Variants in SLC9A9 observed in about 807,000 individuals in gnomAD.
SLC9A9 encodes the protein solute carrier family 9 member A9, also known as sodium/hydrogen exchanger 9.
SLC9A9 carries 62 observed loss-of-function variants against 77.8 expected under a neutral mutation model. The ratio of observed to expected loss-of-function variants is 0.80; its 90% confidence interval spans 0.65 to 0.98. The LOEUF (loss-of-function observed/expected upper bound fraction) is 0.98. Ranked by LOEUF, SLC9A9 falls within the 50% of genes least tolerant of loss-of-function variation. The pLI is 0.00. For synonymous variants in SLC9A9, 320 were observed against 283.5 expected (o/e 1.13, Z -1.29); for missense variants, 775 against 774.9 (o/e 1.00, Z 0.00).
At position 143,818,550 on chromosome 3, in the gene SLC9A9, ACCGG is replaced by A. The variant is rs558483041; in HGVS notation, c.378+13465_378+13468del. ...ATGAACTCCTGACCTCAAGTGATCC[ACCGG>A]CCTCAGCCTCCCAAAGTGCTGGGAT... is the stretch of plus-strand genomic sequence containing the variant. On this transcript the variant is annotated intron_variant, in intron 2 of 15. Coordinates refer to ENST00000316549, the MANE Select transcript of SLC9A9 (RefSeq NM_173653.4). Among the ~76,000 whole-genome samples the A allele has an allele frequency of 6.1e-3, 927 of 151,912 alleles. 2 individuals carry two copies. Among genetic ancestry groups the A allele is most frequent in the Middle Eastern group, 0.02 (6 of 294 alleles).
chr3:143,494,942 C>T (rs1296476454), intron 10 of SLC9A9, among the ~76,000 whole-genome samples: 1 of 152,144 alleles, frequency 6.6e-6, no homozygotes, highest in East Asian at 1.9e-4. Context: ...AAAACATTTC[C>T]AAAGCTGAAT....
chr3:143,810,592 G>T (rs983437988), intron 2 of SLC9A9, among the ~76,000 whole-genome samples: 6 of 152,208 alleles, frequency 3.9e-5, no homozygotes, highest in African/African-American at 1.4e-4. Flanking sequence ...GGATATATAT[G>T]CATGGGCAAA....
chr3:143,303,351 T>G (rs1019217404), intron 14 of SLC9A9, among the ~76,000 whole-genome samples: 22 of 150,862 alleles, frequency 1.5e-4, no homozygotes. Context: ...CTGTTCCAGG[T>G]GGGTTTTTTT....
At chr3:143,495,024 A>C (rs1310192991) in intron 10 of SLC9A9, among the ~76,000 whole-genome samples, 1 of 152,208 alleles carries the variant, frequency 6.6e-6, no homozygotes, top group African/African-American at 2.4e-5. Flanking sequence ...CACAGACATA[A>C]TTTTTATGTA....
At chr3:143,427,517 T>C (rs1209065036) in intron 12 of SLC9A9, among the ~76,000 whole-genome samples, 3 of 152,146 alleles carry the variant, frequency 2.0e-5, no homozygotes, top group Non-Finnish European at 4.4e-5. Flanking sequence ...AGGACTTGAG[T>C]CAACTCACAA....
chr3:143,522,573 C>T (rs2036319953), intron 9 of SLC9A9, among the ~76,000 whole-genome samples: 1 of 152,104 alleles, frequency 6.6e-6, no homozygotes, highest in South Asian at 2.1e-4. Flanking sequence ...CACTTGGCAT[C>T]CCCTATCATC....
chr3:143,372,804 A>G (rs1350277782), intron 13 of SLC9A9, among the ~76,000 whole-genome samples: 4 of 152,196 alleles, frequency 2.6e-5, no homozygotes, highest in Non-Finnish European at 4.4e-5. Flanking sequence ...AATGACATGA[A>G]TAGACATTTT....
intron 14 of SLC9A9, among the ~76,000 whole-genome samples, chr3:143,308,785 G>T (rs1038101667): frequency 6.6e-6 from 1 of 152,064 alleles, no homozygotes; most frequent in Non-Finnish European, 1.5e-5. Context: ...CAGGGTAAAC[G>T]TTCAGTATAC....
At chr3:143,459,116 A>AT (rs2035144813) in intron 12 of SLC9A9, among the ~76,000 whole-genome samples, 5 of 104,274 alleles carry the variant, frequency 4.8e-5, no homozygotes, top group African/African-American at 1.5e-4. Context: ...ATTTCTCTAC[A>AT]GTTTTTTTTT....
chr3:143,786,310 T>TACC (rs2008056780), intron 4 of SLC9A9, among the ~76,000 whole-genome samples: 2 of 152,238 alleles, frequency 1.3e-5, no homozygotes, highest in African/African-American at 2.4e-5. Context: ...TTTTCTTTTT[T>TACC]ACCACAACAA....
At chr3:143,461,868 T>C (rs969600537) in intron 12 of SLC9A9, among the ~76,000 whole-genome samples, 2 of 152,190 alleles carry the variant, frequency 1.3e-5, no homozygotes, top group African/African-American at 4.8e-5. Context: ...ATCAAGGAAG[T>C]CTGTATGGAA....
chr3:143,688,312 A>G (rs986037105), intron 5 of SLC9A9, among the ~76,000 whole-genome samples: 2 of 151,884 alleles, frequency 1.3e-5, no homozygotes, highest in South Asian at 2.1e-4. Flanking sequence ...TTTCAGGGGC[A>G]TCACCTGCCA....
chr3:143,352,234 G>A (rs1398228404), intron 14 of SLC9A9, among the ~76,000 whole-genome samples: 1 of 152,248 alleles, frequency 6.6e-6, no homozygotes, highest in East Asian at 1.9e-4. Flanking sequence ...AGCGAGGGAT[G>A]TGGGAAGAAG....
intron 9 of SLC9A9, among the ~76,000 whole-genome samples, chr3:143,519,092 A>C (rs969470350): frequency 6.6e-6 from 1 of 152,244 alleles, no homozygotes; most frequent in African/African-American, 2.4e-5. Context: ...GTAGTGAACA[A>C]AACTGACAAG....
At chr3:143,772,423 C>CTTGAGGATTA (rs1301860335) in intron 4 of SLC9A9, among the ~76,000 whole-genome samples, 1 of 152,102 alleles carries the variant, frequency 6.6e-6, no homozygotes, top group Non-Finnish European at 1.5e-5. Flanking sequence ...TACACTCAGG[C>CTTGAGGATTA]TTGAGGATTA....
intron 8 of SLC9A9, among the ~76,000 whole-genome samples, chr3:143,570,617 A>G (rs1161078745): frequency 1.3e-5 from 2 of 152,202 alleles, no homozygotes; most frequent in Non-Finnish European, 2.9e-5. Context: ...GCAAGTTCAT[A>G]TGATGGAGTA....
chr3:143,382,948 C>T (rs149092080), intron 12 of SLC9A9, among the ~76,000 whole-genome samples: 444 of 152,358 alleles, frequency 2.9e-3, no homozygotes, highest in African/African-American at 0.01. Flanking sequence ...AGCACTCTTT[C>T]TCACACACAG....
chr3:143,311,739 C>CG (rs560135137), intron 14 of SLC9A9, among the ~76,000 whole-genome samples: 8 of 152,174 alleles, frequency 5.3e-5, no homozygotes, highest in East Asian at 1.9e-4. Flanking sequence ...GTGACAAGGG[C>CG]GGGGAGAAGA....
At chr3:143,347,704 C>T (rs1447801931) in intron 14 of SLC9A9, among the ~76,000 whole-genome samples, 1 of 152,188 alleles carries the variant, frequency 6.6e-6, no homozygotes, top group Admixed American at 6.5e-5. Context: ...TGCCCCCACT[C>T]ATCCACAGTT....
Sources: allele counts gnomAD v4.1 joint callset (sites outside exome capture counted in the v4.1 genomes callset), GRCh38; gene constraint gnomAD v4.1.1; transcripts MANE v1.5; gene names NCBI Gene and HGNC (gene_info 2026-07-23, HGNC 2026-07-21).